Variants in LYPD6 observed in about 807,000 individuals in gnomAD.
LYPD6 encodes LY6/PLAUR domain containing 6.
Under a neutral mutation model 22.7 loss-of-function variants are expected in LYPD6, and 15 were observed. The ratio of observed to expected loss-of-function variants is 0.66; its 90% confidence interval spans 0.44 to 1.02. The LOEUF (loss-of-function observed/expected upper bound fraction) is 1.02, where lower values mean the gene tolerates loss of function less well. Ranked by LOEUF, LYPD6 falls within the 50% of genes least tolerant of loss-of-function variation. The probability of loss-of-function intolerance (pLI) is 0.00; values close to 1 mark genes in which losing one functional copy is unlikely to be tolerated. For synonymous variants in LYPD6, 72 were observed against 77.5 expected (o/e 0.93, Z 0.37); for missense variants, 189 against 208.4 (o/e 0.91, Z 0.57).
At chr2:149,337,618 C>T (rs967325220) in intron 1 of LYPD6, among the ~76,000 whole-genome samples, 1 of 150,632 alleles carries the variant, frequency 6.6e-6, no homozygotes, top group African/African-American at 2.5e-5. Flanking sequence ...TCCCAGTTAG[C>T]TCTGGCCCCC....
Position 149,449,168 on chromosome 2 carries a change from T to C in LYPD6, c.217+21T>C, listed in dbSNP as rs931762371. The C allele has an allele frequency of 1.8e-5, 29 of 1,579,890 alleles. 1 individual carries two copies. The highest frequency in any genetic ancestry group is 1.5e-4 in the Admixed American group (9 of 59,256). On this transcript the variant is annotated intron_variant, in intron 3 of 4. Transcript: ENST00000334166. ...TCGAGGTAAACTCTCAGTAGACTGA[T>C]TGGGGTCCCCTGGGCTGTCCGTGAG...
intron 1 of LYPD6, among the ~76,000 whole-genome samples, chr2:149,364,696 C>T (rs1681628962): frequency 6.6e-6 from 1 of 151,978 alleles, no homozygotes; most frequent in Admixed American, 6.6e-5. Context: ...CATAGAATTA[C>T]TCCAGGAAGG....
intron 1 of LYPD6, among the ~76,000 whole-genome samples, chr2:149,354,605 G>A (rs1681417886): frequency 6.6e-6 from 1 of 152,090 alleles, no homozygotes; most frequent in African/African-American, 2.4e-5. Context: ...AGCTTTCTAT[G>A]GCCCCATTAT....
intron 3 of LYPD6, 54 bp downstream of exon 3, chr2:149,449,201 C>A: frequency 1.6e-6 from 2 of 1,228,748 alleles, no homozygotes; most frequent in Non-Finnish European, 2.3e-6. Context: ...GAGTGAACAG[C>A]CCTTTTGACT....
At chr2:149,375,998 G>A (rs1681912929) in intron 1 of LYPD6, among the ~76,000 whole-genome samples, 1 of 152,260 alleles carries the variant, frequency 6.6e-6, no homozygotes, top group Admixed American at 6.5e-5. Flanking sequence ...TAGCCTGAGA[G>A]AAGGCAGCTG....
At chr2:149,391,401 T>C (rs1194436731) in intron 1 of LYPD6, among the ~76,000 whole-genome samples, 1 of 152,064 alleles carries the variant, frequency 6.6e-6, no homozygotes, top group Non-Finnish European at 1.5e-5. Flanking sequence ...CTTCTTGCCC[T>C]AAAGAAACGC....
chr2:149,430,154 C>T (rs543553220), intron 1 of LYPD6, among the ~76,000 whole-genome samples: 4 of 152,294 alleles, frequency 2.6e-5, no homozygotes, highest in African/African-American at 4.8e-5. Context: ...AGCTGGAGTG[C>T]GTTGGCGTGA....
chr2:149,336,215 G>A (rs1681032398), intron 1 of LYPD6, among the ~76,000 whole-genome samples: 1 of 152,096 alleles, frequency 6.6e-6, no homozygotes, highest in Admixed American at 6.6e-5. Flanking sequence ...GTTTGGGGAT[G>A]GTCTAATTTA....
At chr2:149,373,749 A>G (rs771497879) in intron 1 of LYPD6, among the ~76,000 whole-genome samples, 1 of 152,150 alleles carries the variant, frequency 6.6e-6, no homozygotes, top group African/African-American at 2.4e-5. Flanking sequence ...ACAAAGCTGT[A>G]TGTGTTTTTC....
chr2:149,388,188 T>G (rs901295850), intron 1 of LYPD6, among the ~76,000 whole-genome samples: 18 of 151,860 alleles, frequency 1.2e-4, no homozygotes, highest in South Asian at 6.2e-4. Flanking sequence ...CTCTTTTTTT[T>G]TTTTTTGGTC....
chr2:149,467,317 T>C (rs1681222321), intron 3 of LYPD6, among the ~76,000 whole-genome samples: 2 of 152,282 alleles, frequency 1.3e-5, no homozygotes, highest in Non-Finnish European at 1.5e-5. Flanking sequence ...TGCCACAGAC[T>C]CTGCCCAGGC....
At chr2:149,401,095 A>C (rs908720927) in intron 1 of LYPD6, among the ~76,000 whole-genome samples, 8 of 152,230 alleles carry the variant, frequency 5.3e-5, no homozygotes, top group African/African-American at 1.9e-4. Context: ...AAGGCCTGCT[A>C]GTGGCTTCCA....
At chr2:149,449,713 A>G (rs542015936) in intron 3 of LYPD6, among the ~76,000 whole-genome samples, 1 of 152,312 alleles carries the variant, frequency 6.6e-6, no homozygotes, top group African/African-American at 2.4e-5. Flanking sequence ...CATTATATTC[A>G]TGTCTCTTTT....
At chr2:149,339,810 T>C (rs1471139453) in intron 1 of LYPD6, among the ~76,000 whole-genome samples, 1 of 152,152 alleles carries the variant, frequency 6.6e-6, no homozygotes, top group Non-Finnish European at 1.5e-5. Flanking sequence ...TAAAAATAGG[T>C]TCAAAAGTGT....
intron 1 of LYPD6, among the ~76,000 whole-genome samples, chr2:149,335,715 G>T (rs1681022754): frequency 2.0e-5 from 3 of 152,130 alleles, no homozygotes; most frequent in Admixed American, 2.0e-4. Context: ...TCCATTCATG[G>T]TACGTGCCCT....
At chr2:149,459,795 G>A (rs899593115) in intron 3 of LYPD6, among the ~76,000 whole-genome samples, 6 of 151,944 alleles carry the variant, frequency 3.9e-5, no homozygotes, top group Admixed American at 1.3e-4. Context: ...CCAGCTACTC[G>A]GGAGGCTGAG....
At chr2:149,447,578 G>T (rs1479214245) in intron 2 of LYPD6, among the ~76,000 whole-genome samples, 1 of 152,196 alleles carries the variant, frequency 6.6e-6, no homozygotes, top group Non-Finnish European at 1.5e-5. Flanking sequence ...TCTTCTCTTA[G>T]CTAAGGCTTA....
intron 3 of LYPD6, among the ~76,000 whole-genome samples, chr2:149,468,060 C>A (rs1681241759): frequency 6.6e-6 from 1 of 151,618 alleles, no homozygotes; most frequent in Non-Finnish European, 1.5e-5. Flanking sequence ...CTGTAATGCA[C>A]CCTGGACCCA....
chr2:149,415,746 A>G (rs1340653195), intron 1 of LYPD6, among the ~76,000 whole-genome samples: 1 of 152,116 alleles, frequency 6.6e-6, no homozygotes, highest in African/African-American at 2.4e-5. Context: ...GGCTCACTGC[A>G]GCGTCAACCT....
Sources: gnomAD v4.1 joint callset for allele counts (sites outside exome capture counted in the v4.1 genomes callset) on GRCh38, gnomAD v4.1.1 for gene constraint, MANE v1.5 for transcripts, NCBI Gene and HGNC (gene_info 2026-07-23, HGNC 2026-07-21) for gene names.